PCNT: variants seen among roughly 807,000 people sequenced by gnomAD.
The protein encoded by PCNT is pericentrin, also known as kendrin.
A neutral mutation model predicts 380.4 loss-of-function variants in PCNT; 319 were observed. The observed-to-expected ratio is 0.84, with a 90% CI of 0.77 to 0.92. The LOEUF (loss-of-function observed/expected upper bound fraction) is 0.92, where lower values mean the gene tolerates loss of function less well. PCNT is among the 40% of genes least tolerant of loss of function. The pLI, the probability that PCNT is intolerant of heterozygous loss-of-function variation, is 0.00. For missense variants in PCNT, 4,400 were observed against 4,255.3 expected (o/e 1.03, Z -0.95); for synonymous variants, 1,845 against 1,735.2 (o/e 1.06, Z -1.57).
intron 30 of PCNT, among the ~76,000 whole-genome samples, chr21:46,417,357 G>C (rs1226490537): frequency 1.3e-5 from 2 of 151,816 alleles, no homozygotes; most frequent in African/African-American, 2.4e-5. Flanking sequence ...ACCACACCCG[G>C]CTAATTTTTG....
intron 8 of PCNT, 68 bp downstream of exon 8, chr21:46,349,888 G>A: frequency 1.4e-6 from 2 of 1,437,448 alleles, no homozygotes; most frequent in Non-Finnish European, 9.8e-7. Context: ...TTGGAATTGG[G>A]CTATTTCGTA....
intron 38 of PCNT, among the ~76,000 whole-genome samples, chr21:46,434,198 AT>A (rs1443377334): frequency 6.6e-6 from 1 of 152,254 alleles, no homozygotes; most frequent in Non-Finnish European, 1.5e-5. Flanking sequence ...TCTTTTCTAA[AT>A]AATACAATCT....
In PCNT at chr21:46,414,281, C is replaced by T. The variant is rs183179937; in HGVS notation, c.6150+1289C>T. ...TGCTGGGATTACAGGCGTGAGCCAC[C>T]ACGCCCAGCCTTAGATGGCACCTTT... On this transcript the variant is annotated intron_variant, in intron 29 of 46. Coordinates refer to ENST00000359568, the MANE Select transcript of PCNT (RefSeq NM_006031.6). Among the ~76,000 whole-genome samples the T allele has an allele frequency of 3.3e-5, 5 of 152,282 alleles. No individual in the cohort carries two copies. The East Asian group carries it at 9.7e-4, about 29-fold the overall frequency.
intron 25 of PCNT, among the ~76,000 whole-genome samples, chr21:46,400,338 C>T (rs2086378652): frequency 6.6e-6 from 1 of 152,158 alleles, no homozygotes; most frequent in Non-Finnish European, 1.5e-5. Context: ...GTCTGCATTT[C>T]TGGGTAGCGG....
chr21:46,340,886 C>T (rs2083893736), intron 3 of PCNT, among the ~76,000 whole-genome samples: 1 of 152,058 alleles, frequency 6.6e-6, no homozygotes, highest in Non-Finnish European at 1.5e-5. Flanking sequence ...GTTGGCCAGG[C>T]TGGTCTCGAA....
In PCNT at chr21:46,367,179, C is replaced by G. The variant is rs576311637; in HGVS notation, c.3165+40C>G. 3.2e-5 allele frequency: 49 copies of G among 1,544,352 alleles called. No homozygotes were observed. The South Asian group carries it at 5.5e-4, about 17-fold the overall frequency. On this transcript the variant is annotated intron_variant, in intron 15 of 46. Coordinates refer to ENST00000359568, the MANE Select transcript of PCNT (RefSeq NM_006031.6). ...CCCTGCCCCAGCCCAGGGCAGGCCT[C>G]TCCTCGCTGCCTGTGTGTTTCCACC...
intron 2 of PCNT, among the ~76,000 whole-genome samples, chr21:46,332,766 C>A (rs754548866): frequency 1.3e-5 from 2 of 152,224 alleles, no homozygotes; most frequent in Non-Finnish European, 2.9e-5. Flanking sequence ...TGTCATGTTT[C>A]TTTGCTATTT....
intron 13 of PCNT, among the ~76,000 whole-genome samples, chr21:46,360,605 G>A (rs188794531): frequency 2.6e-4 from 37 of 143,290 alleles, no homozygotes; most frequent in African/African-American, 9.2e-4. Flanking sequence ...TGCAAGCTCC[G>A]CCTCCCAGGT....
intron 29 of PCNT, 62 bp from the exon 30 acceptor site, chr21:46,416,007 G>C (rs2087012153): frequency 1.3e-6 from 2 of 1,554,562 alleles, no homozygotes; most frequent in East Asian, 4.5e-5. Flanking sequence ...ATTAACACCA[G>C]ACAGGTGCGA....
intron 3 of PCNT, among the ~76,000 whole-genome samples, chr21:46,339,134 T>C (rs1041900971): frequency 1.3e-4 from 20 of 152,302 alleles, no homozygotes; most frequent in Admixed American, 7.8e-4. Context: ...CAGGCTGATC[T>C]CGAACTCATG....
At chr21:46,372,322 A>G (rs1403652947) in intron 15 of PCNT, among the ~76,000 whole-genome samples, 4 of 151,922 alleles carry the variant, frequency 2.6e-5, no homozygotes, top group Non-Finnish European at 4.4e-5. Flanking sequence ...CAGCACGCAC[A>G]CACAACACGT....
At chr21:46,344,691 CA>C (rs1215650216) in intron 3 of PCNT, among the ~76,000 whole-genome samples, 2 of 152,246 alleles carry the variant, frequency 1.3e-5, no homozygotes, top group African/African-American at 4.8e-5. Context: ...CTTCCACAGG[CA>C]GGGGATACGT....
Position 46,435,938 on chromosome 21 carries a change from A to G in PCNT, c.8786A>G (p.His2929Arg). ...ELELQRQRDL[H>R]KIKQLQQTVR... ...GAACTGCAGCGTCAGCGTGACTTGCATAAGATCAAGCAGCTTCAGCAGACA... is the reference window on the plus strand; with the variant it reads ...GAACTGCAGCGTCAGCGTGACTTGCGTAAGATCAAGCAGCTTCAGCAGACA... Residue 2929 changes from histidine to arginine, a missense_variant, in exon 39 of 47, where the codon CAT (histidine) becomes CGT (arginine). Physicochemically the swap from His to Arg is conservative, Grantham distance 29 (BLOSUM62 0). Coordinates refer to ENST00000359568, the MANE Select transcript of PCNT (RefSeq NM_006031.6). 2 of 1,614,156 alleles carry G rather than the reference A, an allele frequency of 1.2e-6. No homozygotes were observed. Among genetic ancestry groups the G allele is most frequent in the Admixed American group, 1.7e-5 (1 of 60,028 alleles).
chr21:46,426,736 C>T (rs1288009880), intron 33 of PCNT, among the ~76,000 whole-genome samples: 2 of 152,220 alleles, frequency 1.3e-5, no homozygotes, highest in Admixed American at 6.5e-5. Flanking sequence ...AAGTCCTCCC[C>T]ATCTCCCTGC....
chr21:46,442,873 A>T (rs919226128), intron 44 of PCNT: 1 of 435,570 alleles, frequency 2.3e-6, no homozygotes, highest in Non-Finnish European at 4.2e-6. Flanking sequence ...TATTCCTTAA[A>T]TCAACTGAAA....
At chr21:46,360,638 C>T (rs1689296825) in intron 13 of PCNT, among the ~76,000 whole-genome samples, 1 of 151,718 alleles carries the variant, frequency 6.6e-6, no homozygotes, top group African/African-American at 2.4e-5. Flanking sequence ...CCTGCCTCAG[C>T]CTCCCGAGTA....
intron 2 of PCNT, among the ~76,000 whole-genome samples, chr21:46,331,112 C>T (rs144753854): frequency 6.6e-6 from 1 of 152,220 alleles, no homozygotes; most frequent in Non-Finnish European, 1.5e-5. Flanking sequence ...AAATTGCTTA[C>T]TTTGATCACT....
At chr21:46,400,512 C>CTTTTTTT (rs1215264897) in intron 25 of PCNT, among the ~76,000 whole-genome samples, 4 of 84,540 alleles carry the variant, frequency 4.7e-5, no homozygotes, top group Non-Finnish European at 6.7e-5. Context: ...GTGTCTGATT[C>CTTTTTTT]TTTTTTTTTT....
Position 46,357,007 on chromosome 21 carries a change from A to G in PCNT, c.1970A>G (p.Asp657Gly), listed in dbSNP as rs1387553067. 2.5e-6 allele frequency: 4 copies of G among 1,614,166 alleles called. No homozygotes were observed. Among genetic ancestry groups the G allele is most frequent in the Non-Finnish European group, 3.4e-6 (4 of 1,180,032 alleles). The change falls in exon 13 of 47, where the codon GAC becomes GGC. Residue 657 changes from aspartate (D) to glycine (G), a missense_variant. Physicochemically the swap from Asp to Gly is moderately conservative, Grantham distance 94. Transcript: ENST00000359568. The part of the protein sequence containing the change: ...LPWVHLQGVQ[D>G]GDLEADTERA... Reference sequence around the variant, plus strand: ...TGGGTGCATCTCCAGGGTGTGCAGGACGGGGACTTGGAGGCCGACACAGAG... The same window carrying G: ...TGGGTGCATCTCCAGGGTGTGCAGGGCGGGGACTTGGAGGCCGACACAGAG...
Sources: allele counts gnomAD v4.1 joint callset (sites outside exome capture counted in the v4.1 genomes callset), GRCh38; gene constraint gnomAD v4.1.1; transcripts MANE v1.5; gene names NCBI Gene and HGNC (gene_info 2026-07-23, HGNC 2026-07-21).